Variants in HMGCLL1 observed in about 807,000 individuals in gnomAD.
HMGCLL1 encodes the protein 3-hydroxy-3-methylglutaryl-CoA lyase like 1, also known as 3-hydroxymethyl-3-methylglutaryl-CoA lyase, cytoplasmic.
A neutral mutation model predicts 39.1 loss-of-function variants in HMGCLL1; 36 were observed. The observed-to-expected ratio is 0.92, with a 90% CI of 0.71 to 1.22. The LOEUF is 1.22. HMGCLL1 is among the 50% of genes most tolerant of loss of function. The pLI is 0.00. For synonymous variants in HMGCLL1, 149 were observed against 144.0 expected, an observed-to-expected ratio of 1.03 and a Z score of -0.25; for missense variants, 451 against 416.5, an observed-to-expected ratio of 1.08 and a Z score of -0.72.
At chr6:55,543,436 CAT>C (rs1345891240) in intron 1 of HMGCLL1, among the ~76,000 whole-genome samples, 3 of 39,592 alleles carry the variant, frequency 7.6e-5, no homozygotes, top group Non-Finnish European at 1.3e-4. Context: ...TATCATATAT[CAT>C]ATATGATATA....
the HMGCLL1 span, among the ~76,000 whole-genome samples, chr6:55,667,694 T>A: frequency 6.6e-6 from 1 of 151,798 alleles, no homozygotes; most frequent in African/African-American, 2.4e-5. Context: ...TAAGCACAAC[T>A]GGAGAGAACA....
chr6:55,502,904 T>C (rs1193999769), intron 5 of HMGCLL1, among the ~76,000 whole-genome samples: 1 of 151,702 alleles, frequency 6.6e-6, no homozygotes, highest in Admixed American at 6.6e-5. Context: ...ATGTTCTTAC[T>C]TTGCCTCTAT....
intron 1 of HMGCLL1, among the ~76,000 whole-genome samples, chr6:55,560,157 T>A (rs1457258928): frequency 6.6e-6 from 1 of 152,170 alleles, no homozygotes; most frequent in African/African-American, 2.4e-5. Flanking sequence ...ACTGCTGCAG[T>A]ATAAGTAAGT....
the HMGCLL1 span, among the ~76,000 whole-genome samples, chr6:55,674,240 G>C: frequency 3.3e-5 from 5 of 151,734 alleles, no homozygotes; most frequent in Non-Finnish European, 5.9e-5. Flanking sequence ...TAAAGGAAAA[G>C]TAAGTTAGTT....
At chr6:55,477,151 T>A (rs1377465169) in intron 7 of HMGCLL1, among the ~76,000 whole-genome samples, 1 of 60,756 alleles carries the variant, frequency 1.6e-5, no homozygotes, top group South Asian at 4.9e-4. Flanking sequence ...ATAATATATA[T>A]ATTATATATT....
At chr6:55,482,463 A>G (rs887648202) in intron 7 of HMGCLL1, among the ~76,000 whole-genome samples, 1 of 152,158 alleles carries the variant, frequency 6.6e-6, no homozygotes, top group Non-Finnish European at 1.5e-5. Flanking sequence ...AGTGGGTATT[A>G]ACACTTATAA....
chr6:55,583,113 G>A (rs1051646120), upstream of HMGCLL1, among the ~76,000 whole-genome samples: 2 of 152,108 alleles, frequency 1.3e-5, no homozygotes, highest in South Asian at 2.1e-4. Flanking sequence ...TATGTGCAAA[G>A]CAAATACATA....
intron 7 of HMGCLL1, among the ~76,000 whole-genome samples, chr6:55,460,794 A>C (rs1327804855): frequency 6.6e-6 from 1 of 152,006 alleles, no homozygotes; most frequent in Non-Finnish European, 1.5e-5. Context: ...TGAGCTCTGT[A>C]GTCCAGTTAT....
chr6:55,495,686 C>G (rs1467354333), intron 6 of HMGCLL1, 79 bp from the exon 7 acceptor site: 10 of 1,039,202 alleles, frequency 9.6e-6, no homozygotes, highest in Admixed American at 8.5e-5. Flanking sequence ...CTAACATCAT[C>G]TAAAGGTAAA....
the HMGCLL1 span, among the ~76,000 whole-genome samples, chr6:55,639,857 T>G: frequency 8.6e-5 from 13 of 151,980 alleles, no homozygotes; most frequent in Non-Finnish European, 1.6e-4. Context: ...GGCGGGCAGA[T>G]CACCTGAGGT....
intron 1 of HMGCLL1, among the ~76,000 whole-genome samples, chr6:55,570,925 T>G (rs1771450455): frequency 6.6e-6 from 1 of 152,138 alleles, no homozygotes; most frequent in African/African-American, 2.4e-5. Flanking sequence ...TCATCTTACA[T>G]GGCGGCAGGC....
the HMGCLL1 span, among the ~76,000 whole-genome samples, chr6:55,616,251 C>T: frequency 6.6e-6 from 1 of 152,184 alleles, no homozygotes; most frequent in Non-Finnish European, 1.5e-5. Flanking sequence ...AAAATTGATG[C>T]TTCATAAACC....
chr6:55,514,171 G>A lies in HMGCLL1; in HGVS notation c.419C>T (p.Ser140Leu). The A allele has an allele frequency of 5.0e-6, 8 of 1,610,150 alleles. No homozygotes were observed. Among genetic ancestry groups the A allele is most frequent in the East Asian group, 2.2e-5 (1 of 44,642 alleles). Residue 140 changes from serine (S) to leucine (L), a missense_variant, in exon 5 of 9, where the codon TCA (serine) becomes TTA (leucine). Transcript: ENST00000274901. ...GGATTCAGATGCAGCTCCAAAAACT[G>A]ATATCTCAGTAGCTCCAGCAGCAAC... Reference protein sequence around the residue: ...HAVAAGATEISVFGAASESFS... With the variant: ...HAVAAGATEILVFGAASESFS...
intron 7 of HMGCLL1, among the ~76,000 whole-genome samples, chr6:55,454,518 A>C (rs1380555763): frequency 6.6e-6 from 1 of 152,248 alleles, no homozygotes; most frequent in Non-Finnish European, 1.5e-5. Context: ...CATTTTCCCT[A>C]GCAGAGCTGA....
chr6:55,522,936 G>A (rs140575924), intron 3 of HMGCLL1, among the ~76,000 whole-genome samples: 1 of 152,044 alleles, frequency 6.6e-6, no homozygotes, highest in African/African-American at 2.4e-5. Context: ...GAGTTCAGAG[G>A]AGGATCTAAA....
At chr6:55,555,894 G>A (rs1459683744) in intron 1 of HMGCLL1, among the ~76,000 whole-genome samples, 3 of 152,180 alleles carry the variant, frequency 2.0e-5, no homozygotes, top group Admixed American at 6.5e-5. Flanking sequence ...TGGTCTAACG[G>A]AATACACATG....
At chr6:55,476,196 C>T (rs1433846202) in intron 7 of HMGCLL1, among the ~76,000 whole-genome samples, 1 of 151,512 alleles carries the variant, frequency 6.6e-6, no homozygotes, top group Non-Finnish European at 1.5e-5. Flanking sequence ...TTGAGCCTTC[C>T]AAGCCTGAAA....
chr6:55,504,915 T>A lies in HMGCLL1; in HGVS notation c.543-5616A>T, dbSNP rs1767076139. 2.6e-5 allele frequency among the ~76,000 whole-genome samples: 4 copies of A among 151,648 alleles called. No homozygotes were observed. The South Asian group carries it at 8.3e-4, about 31-fold the overall frequency. On this transcript the variant is annotated intron_variant, in intron 5 of 8. Coordinates refer to ENST00000274901, the MANE Select transcript of HMGCLL1 (RefSeq NM_001042406.2). ...TGTAGCCAGAAATAATAGCACATAT[T>A]TGAGAGATCAGAACTTGAAATCCAT...
chr6:55,609,582 C>T, the HMGCLL1 span, among the ~76,000 whole-genome samples: 3 of 152,146 alleles, frequency 2.0e-5, no homozygotes, highest in Admixed American at 6.5e-5. Context: ...GACCAGCAGA[C>T]TTAGTCTTTC....
Sources: gnomAD v4.1 joint callset for allele counts (sites outside exome capture counted in the v4.1 genomes callset) on GRCh38, gnomAD v4.1.1 for gene constraint, MANE v1.5 for transcripts, NCBI Gene and HGNC (gene_info 2026-07-23, HGNC 2026-07-21) for gene names.